ANKRD29: variants seen among roughly 807,000 people sequenced by gnomAD.
The protein encoded by ANKRD29 is ankyrin repeat domain 29.
Under a neutral mutation model 38.0 loss-of-function variants are expected in ANKRD29, and 32 were observed. That is an observed-to-expected ratio of 0.84 (90% CI 0.64 to 1.13). The LOEUF (loss-of-function observed/expected upper bound fraction) is 1.13, where lower values mean the gene tolerates loss of function less well. Ranked by LOEUF, ANKRD29 falls within the 50% of genes most tolerant of loss-of-function variation. ANKRD29 has a pLI of 0.00. For synonymous variants in ANKRD29, 135 were observed against 152.4 expected (o/e 0.89, Z 0.84); for missense variants, 357 against 377.9 (o/e 0.94, Z 0.46).
At chr18:23,631,890 G>A (rs9965610) in intron 5 of ANKRD29, among the ~76,000 whole-genome samples, 12,305 of 152,192 alleles carry the variant, frequency 0.081, 1,059 homozygotes, top group African/African-American at 0.22. Context: ...CATTCGCAGC[G>A]CAGGGTGAGC....
chr18:23,656,457 A>C (rs1413160366), intron 1 of ANKRD29, among the ~76,000 whole-genome samples: 2 of 152,220 alleles, frequency 1.3e-5, no homozygotes, highest in African/African-American at 2.4e-5. Flanking sequence ...AAAATGAAAA[A>C]GTTAATCTGT....
At chr18:23,636,989 C>G (rs188550110) in intron 4 of ANKRD29, among the ~76,000 whole-genome samples, 1 of 152,332 alleles carries the variant, frequency 6.6e-6, no homozygotes, top group Non-Finnish European at 1.5e-5. Flanking sequence ...CTCTCTTCTT[C>G]CCATGGAAAG....
At chr18:23,628,059 C>A (rs1460557568) in intron 6 of ANKRD29, among the ~76,000 whole-genome samples, 2 of 152,104 alleles carry the variant, frequency 1.3e-5, no homozygotes, top group Non-Finnish European at 2.9e-5. Context: ...GGTAAGTACT[C>A]AAGAAATATT....
chr18:23,602,680 G>A (rs1246699040), intron 9 of ANKRD29, among the ~76,000 whole-genome samples: 1 of 152,096 alleles, frequency 6.6e-6, no homozygotes, highest in Non-Finnish European at 1.5e-5. Flanking sequence ...AGCACTTTGA[G>A]AGGCTGAGGT....
rs532287772 is a variant in ANKRD29, at chr18:23,661,095, C to T, written c.21+1615G>A. 4.6e-5 allele frequency among the ~76,000 whole-genome samples: 7 copies of T among 152,350 alleles called. No homozygotes were observed. In the South Asian group the frequency reaches 1.4e-3, roughly 32 times the overall value. On this transcript the variant is annotated intron_variant, in intron 1 of 9. Coordinates refer to ENST00000592179, the MANE Select transcript of ANKRD29 (RefSeq NM_173505.4). The stretch of plus-strand genomic sequence containing the variant: ...TGCTTGGTGTAAGTGACAGCACATG[C>T]TTCTGAGTTTTCTCATTCGTCTCTG...
rs369099636 is a variant in ANKRD29, at chr18:23,638,862, T to C, written c.317A>G (p.Glu106Gly). Residue 106 changes from glutamate (E) to glycine (G), a missense_variant, in exon 4 of 10, where the codon GAA (glutamate) becomes GGA (glycine). Physicochemically the swap from Glu to Gly is moderately conservative, Grantham distance 98. Coordinates refer to ENST00000592179, the MANE Select transcript of ANKRD29 (RefSeq NM_173505.4). ...AGGTTATCTCACTTTGGTCCTAAAT[T>C]CAGTGGATGCTCCAAATCCAAAGAG... The part of the protein sequence containing the change: ...RFLFGFGAST[E>G]FRTKDGGTAL... 8 of 1,609,594 alleles carry C rather than the reference T, an allele frequency of 5.0e-6. No homozygotes were observed. The African/African-American group carries it at 1.1e-4, about 22-fold the overall frequency.
At chr18:23,624,323 C>T (rs959623277) in intron 6 of ANKRD29, among the ~76,000 whole-genome samples, 2 of 151,398 alleles carry the variant, frequency 1.3e-5, no homozygotes, top group Non-Finnish European at 2.9e-5. Context: ...AAAAGTTAGC[C>T]GGGTGTGGTG....
At chr18:23,608,239 G>C (rs1322057536) in intron 9 of ANKRD29, among the ~76,000 whole-genome samples, 1 of 152,206 alleles carries the variant, frequency 6.6e-6, no homozygotes, top group Admixed American at 6.5e-5. Flanking sequence ...TTGAATGAAA[G>C]AATGAAAGCC....
chr18:23,623,864 C>T (rs1175355924), intron 6 of ANKRD29, among the ~76,000 whole-genome samples: 1 of 151,724 alleles, frequency 6.6e-6, no homozygotes, highest in Non-Finnish European at 1.5e-5. Context: ...AGGTTGGTCT[C>T]GATCTCCTGA....
Position 23,634,099 on chromosome 18 carries a change from C to T in ANKRD29, c.381G>A (p.Val127=). The change falls in exon 5 of 10, where the codon GTG becomes GTA. Residue 127 remains valine (V), a synonymous_variant. Transcript: ENST00000592179. ...LAASQYGHMQ[V]VETLLKHGAN... is the part of the protein sequence containing the mutation. ...CTCCGTGCTTCAGCAAGGTCTCCAC[C>T]ACCTGCATGTGCCCGTACTGACTGG... The T allele has an allele frequency of 1.9e-6, 3 of 1,614,162 alleles. No individual in the cohort carries two copies. The highest frequency in any genetic ancestry group is 1.7e-6 in the Non-Finnish European group (2 of 1,180,032).
intron 9 of ANKRD29, among the ~76,000 whole-genome samples, chr18:23,606,274 G>C (rs2059573958): frequency 6.6e-6 from 1 of 152,194 alleles, no homozygotes; most frequent in South Asian, 2.1e-4. Flanking sequence ...ACCATGCCCA[G>C]CTATGTTTTT....
intron 2 of ANKRD29, chr18:23,647,415 C>T (rs2060153543): frequency 6.6e-6 from 1 of 152,172 alleles, no homozygotes; most frequent in African/African-American, 2.4e-5. Flanking sequence ...TGACTTCTGT[C>T]AATGGCCATG....
At chr18:23,659,571 G>A (rs1300330938) in intron 1 of ANKRD29, among the ~76,000 whole-genome samples, 1 of 150,024 alleles carries the variant, frequency 6.7e-6, no homozygotes, top group African/African-American at 2.5e-5. Flanking sequence ...GGTGAAACCC[G>A]GTCTCTACTA....
At chr18:23,650,508 G>C (rs1420708024) in intron 1 of ANKRD29, among the ~76,000 whole-genome samples, 1 of 152,174 alleles carries the variant, frequency 6.6e-6, no homozygotes, top group Non-Finnish European at 1.5e-5. Context: ...CATGGAAGTG[G>C]AAAACAGGTC....
chr18:23,625,393 C>T (rs2145674706), intron 6 of ANKRD29, among the ~76,000 whole-genome samples: 1 of 152,108 alleles, frequency 6.6e-6, no homozygotes, highest in Middle Eastern at 3.4e-3. Flanking sequence ...AATGACATGG[C>T]TATTCCCAGA....
intron 8 of ANKRD29, among the ~76,000 whole-genome samples, chr18:23,617,362 C>T (rs1254724672): frequency 6.6e-6 from 1 of 152,082 alleles, no homozygotes; most frequent in East Asian, 1.9e-4. Context: ...CTTAAGGGAA[C>T]AAAACAGAGT....
chr18:23,634,275 CCTGTTTTTTTTTTTTT>C, intron 4 of ANKRD29, 126 bp from the exon 5 acceptor site: 1 of 538,154 alleles, frequency 1.9e-6, no homozygotes, highest in Non-Finnish European at 3.1e-6. Flanking sequence ...ACTCACTTTC[CCTGTTTTTTTTTTTTT>C]TTTTTTTTTT....
chr18:23,656,503 A>G (rs1194055002), intron 1 of ANKRD29, among the ~76,000 whole-genome samples: 1 of 152,230 alleles, frequency 6.6e-6, no homozygotes, highest in East Asian at 1.9e-4. Flanking sequence ...ATTCAATTAA[A>G]TAGCTACAAA....
At chr18:23,604,232 G>A (rs974173109) in intron 9 of ANKRD29, among the ~76,000 whole-genome samples, 1 of 152,076 alleles carries the variant, frequency 6.6e-6, no homozygotes, top group Non-Finnish European at 1.5e-5. Flanking sequence ...CCTGACCATA[G>A]GTCAAAACGA....
Sources: allele counts gnomAD v4.1 joint callset (sites outside exome capture counted in the v4.1 genomes callset), GRCh38; gene constraint gnomAD v4.1.1; transcripts MANE v1.5; gene names NCBI Gene and HGNC (gene_info 2026-07-23, HGNC 2026-07-21).